Variants in MYO16 observed in about 807,000 individuals in gnomAD.
MYO16 encodes unconventional myosin-XVI.
MYO16 carries 94 observed loss-of-function variants against 205.3 expected under a neutral mutation model. The ratio of observed to expected loss-of-function variants is 0.46; its 90% CI spans 0.39 to 0.54. The LOEUF is 0.54. Among genes scored for constraint, MYO16 ranks in the 20% least tolerant of loss-of-function variants. The pLI, the probability that MYO16 is intolerant of heterozygous loss-of-function variation, is 0.00. For synonymous variants in MYO16, 988 were observed against 954.0 expected, an observed-to-expected ratio of 1.04 and a Z score of -0.66; for missense variants, 2,315 against 2,387.5, an observed-to-expected ratio of 0.97 and a Z score of 0.63.
intron 16 of MYO16, among the ~76,000 whole-genome samples, chr13:108,935,917 T>G (rs1164252449): frequency 6.6e-6 from 1 of 152,148 alleles, no homozygotes; most frequent in Non-Finnish European, 1.5e-5. Flanking sequence ...ATTCTGTTTA[T>G]GTGGTGAGCC....
chr13:108,709,613 A>C (rs1168186555), intron 2 of MYO16, among the ~76,000 whole-genome samples: 1 of 135,576 alleles, frequency 7.4e-6, no homozygotes, highest in African/African-American at 2.7e-5. Flanking sequence ...GATGTTCAAC[A>C]TGTATTCGTT....
intron 34 of MYO16, among the ~76,000 whole-genome samples, chr13:109,181,799 AATTT>A (rs140737637): frequency 1.3e-5 from 2 of 148,232 alleles, no homozygotes; most frequent in African/African-American, 2.5e-5. Context: ...TGTTTCATAA[AATTT>A]ATTTATTTAT....
chr13:109,065,146 A>G (rs1887705305), intron 27 of MYO16, among the ~76,000 whole-genome samples: 1 of 152,296 alleles, frequency 6.6e-6, no homozygotes, highest in African/African-American at 2.4e-5. Context: ...AGAATAGCCC[A>G]GACTTTTTAC....
chr13:109,140,367 C>G lies in MYO16; in HGVS notation c.4155C>G (p.Tyr1385Ter), dbSNP rs1566527426. The G allele has an allele frequency of 6.2e-7, 1 of 1,602,030 alleles. No individual in the cohort carries two copies. Among genetic ancestry groups the G allele is most frequent in the Non-Finnish European group, 8.5e-7 (1 of 1,178,594 alleles). The change falls in exon 32 of 35, where the codon TAC (tyrosine) becomes TAG (stop). Residue 1385 changes from tyrosine (Y) to a stop codon, truncating the protein, a stop_gained. Coordinates refer to ENST00000457511, the MANE Select transcript of MYO16 (RefSeq NM_001198950.3). LOFTEE classifies it high-confidence loss of function. This position sits in a 1 kb window ranked among gnomAD's most constrained non-coding sequence, Gnocchi z 8.0. ...CCAACACCAAGCTCAGCGGCTCCTA[C>G]GAGGAGATATCGGGGTCCCGGCCCG... Reference protein sequence around the residue: ...RSPNTKLSGSYEEISGSRPGD... With the variant: ...RSPNTKLSGS
At chr13:109,124,887 C>T (rs1218090204) in intron 29 of MYO16, among the ~76,000 whole-genome samples, 1 of 152,184 alleles carries the variant, frequency 6.6e-6, no homozygotes, top group Non-Finnish European at 1.5e-5. Context: ...TTACCAAAAA[C>T]AATGTGGAGG....
At chr13:108,855,600 A>G (rs1878128468) in intron 11 of MYO16, 47 bp downstream of exon 11, 4 of 1,326,132 alleles carry the variant, frequency 3.0e-6, no homozygotes, top group Non-Finnish European at 4.2e-6. Flanking sequence ...CTCTTGCTGC[A>G]TATTTTTATC....
rs10567058 is a variant in MYO16 at position 109,170,662 on chromosome 13, TTAATAA to T, written c.5323+5616_5323+5621del. On this transcript the variant is annotated intron_variant, in intron 33 of 34. Transcript: ENST00000457511. The stretch of plus-strand genomic sequence containing the variant: ...AGCTTCGGAAATGATCCTAAAAAAC[TTAATAA>T]TAATAATAATAAAAACGGCAAGTCA... 1.3e-4 allele frequency among the ~76,000 whole-genome samples: 19 copies of T among 151,696 alleles called. No individual in the cohort carries two copies. The East Asian group carries it at 2.7e-3, about 22-fold the overall frequency.
At chr13:108,540,498 T>C in the MYO16 span, among the ~76,000 whole-genome samples, 1 of 152,132 alleles carries the variant, frequency 6.6e-6, no homozygotes, top group African/African-American at 2.4e-5. Context: ...AGTGATTGTA[T>C]GGTGTAACTG....
intron 34 of MYO16, among the ~76,000 whole-genome samples, chr13:109,186,760 G>A (rs1286096859): frequency 2.6e-5 from 4 of 152,182 alleles, no homozygotes; most frequent in Non-Finnish European, 1.5e-5. Context: ...TTTGACCAAA[G>A]TGAGTGGAAA....
chr13:108,883,318 A>G, intron 13 of MYO16, 132 bp downstream of exon 13: 1 of 1,158,824 alleles, frequency 8.6e-7, no homozygotes, highest in South Asian at 1.9e-5. Flanking sequence ...TCTTTGCAAT[A>G]AGTACATTTG....
intron 27 of MYO16, among the ~76,000 whole-genome samples, chr13:109,091,363 G>C (rs1255767502): frequency 6.6e-6 from 1 of 152,186 alleles, no homozygotes; most frequent in East Asian, 1.9e-4. Context: ...AAATGTTGCT[G>C]CCTGCAAGCT....
At chr13:108,703,990 G>A (rs1462216269) in intron 2 of MYO16, among the ~76,000 whole-genome samples, 1 of 152,190 alleles carries the variant, frequency 6.6e-6, no homozygotes, top group African/African-American at 2.4e-5. Flanking sequence ...CACAGTGTGT[G>A]CCATCAGAGA....
intron 31 of MYO16, among the ~76,000 whole-genome samples, chr13:109,132,956 G>A (rs1876607181): frequency 1.3e-5 from 2 of 152,142 alleles, no homozygotes; most frequent in Admixed American, 1.3e-4. Flanking sequence ...AGAGTGCCTT[G>A]CCCTCCGTGG....
chr13:108,517,675 G>A, the MYO16 span, among the ~76,000 whole-genome samples: 1 of 152,220 alleles, frequency 6.6e-6, no homozygotes, highest in Admixed American at 6.5e-5. Context: ...GCCACCTGTA[G>A]TTAAGAATTT....
intron 4 of MYO16, among the ~76,000 whole-genome samples, chr13:108,728,523 C>T (rs1295950817): frequency 2.0e-5 from 3 of 152,176 alleles, no homozygotes; most frequent in Non-Finnish European, 2.9e-5. Flanking sequence ...CCGTGCTCCC[C>T]CTGTAGGCCC....
intron 21 of MYO16, among the ~76,000 whole-genome samples, chr13:109,000,660 C>T (rs1049611793): frequency 1.3e-5 from 2 of 152,122 alleles, no homozygotes; most frequent in Non-Finnish European, 2.9e-5. Context: ...GATAGAGTGA[C>T]TGAAGCTCTA....
At chr13:109,107,886 G>T (rs753151523) in intron 28 of MYO16, among the ~76,000 whole-genome samples, 1 of 147,792 alleles carries the variant, frequency 6.8e-6, no homozygotes, top group Admixed American at 6.8e-5. Flanking sequence ...CTTCTTTTGT[G>T]CCAAACACAT....
intron 6 of MYO16, among the ~76,000 whole-genome samples, chr13:108,799,403 T>C (rs1211256227): frequency 2.0e-5 from 3 of 152,244 alleles, no homozygotes; most frequent in Admixed American, 1.3e-4. Flanking sequence ...ATGTGTGATA[T>C]ATAATGCATG....
At chr13:108,539,716 G>C in the MYO16 span, among the ~76,000 whole-genome samples, 197 of 152,178 alleles carry the variant, frequency 1.3e-3, no homozygotes, top group Non-Finnish European at 1.7e-3. Context: ...AAGATCCATG[G>C]AGCTTAGGTC....
Sources: allele counts gnomAD v4.1 joint callset (sites outside exome capture counted in the v4.1 genomes callset), GRCh38; gene constraint gnomAD v4.1.1; non-coding constraint Gnocchi (gnomAD v3.1); transcripts MANE v1.5; gene names NCBI Gene and HGNC (gene_info 2026-07-23, HGNC 2026-07-21).